The following GALNT13 variants were observed in gnomAD, a reference collection of about 807,000 sequenced individuals.
GALNT13 encodes polypeptide N-acetylgalactosaminyltransferase 13, also known as UDP-GalNAc:polypeptide N-acetylgalactosaminyltransferase 13.
A neutral mutation model predicts 64.2 loss-of-function variants in GALNT13; 28 were observed. The ratio of observed to expected loss-of-function variants is 0.44; its 90% CI spans 0.32 to 0.60. The LOEUF is 0.60. GALNT13 is among the 20% of genes least tolerant of loss of function. GALNT13 has a pLI of 0.05. For missense variants in GALNT13, 577 were observed against 669.8 expected, an observed-to-expected ratio of 0.86 and a Z score of 1.53; for synonymous variants, 214 against 224.6, an observed-to-expected ratio of 0.95 and a Z score of 0.42.
At chr2:154,445,770 A>G in intron 12 of GALNT13, 1 of 1,277,360 alleles carries the variant, frequency 7.8e-7, no homozygotes, top group Non-Finnish European at 1.0e-6. Context: ...TATTGTCTGC[A>G]CTGGTCTTTC....
At chr2:153,154,649 G>T in the GALNT13 span, among the ~76,000 whole-genome samples, 11 of 152,076 alleles carry the variant, frequency 7.2e-5, no homozygotes, top group Non-Finnish European at 1.6e-4. Context: ...CCGAGAATGG[G>T]GTTTTCTAGA....
chr2:153,403,853 G>C, the GALNT13 span, among the ~76,000 whole-genome samples: 1 of 152,156 alleles, frequency 6.6e-6, no homozygotes, highest in Non-Finnish European at 1.5e-5. Context: ...AGATGAACCC[G>C]GTACCTCAGA....
At chr2:153,378,095 T>C in the GALNT13 span, among the ~76,000 whole-genome samples, 1 of 152,162 alleles carries the variant, frequency 6.6e-6, no homozygotes, top group Non-Finnish European at 1.5e-5. Context: ...GGATAAAGTA[T>C]GGAAAATAAA....
At chr2:153,431,376 G>A in the GALNT13 span, among the ~76,000 whole-genome samples, 3 of 152,098 alleles carry the variant, frequency 2.0e-5, no homozygotes, top group African/African-American at 7.2e-5. Flanking sequence ...GCCATGTGTA[G>A]ATGTCTTTCA....
At chr2:154,397,686 G>A (rs1699120211) in intron 10 of GALNT13, among the ~76,000 whole-genome samples, 2 of 152,082 alleles carry the variant, frequency 1.3e-5, no homozygotes, top group Non-Finnish European at 2.9e-5. Flanking sequence ...TAGCTGAATC[G>A]TTTTTAATGA....
chr2:154,096,925 A>G (rs1427644382), intron 3 of GALNT13, among the ~76,000 whole-genome samples: 4 of 152,080 alleles, frequency 2.6e-5, no homozygotes, highest in Admixed American at 6.6e-5. Flanking sequence ...GATTTAGCCA[A>G]TATGACACAG....
At chr2:154,036,717 A>G (rs372469065) in intron 3 of GALNT13, among the ~76,000 whole-genome samples, 2 of 152,094 alleles carry the variant, frequency 1.3e-5, no homozygotes, top group African/African-American at 4.8e-5. Context: ...CTACAACCTA[A>G]CAAATATCTG....
chr2:153,505,613 A>G, the GALNT13 span, among the ~76,000 whole-genome samples: 43 of 152,262 alleles, frequency 2.8e-4, no homozygotes, highest in East Asian at 6.0e-3. Flanking sequence ...TGTTGACCCA[A>G]TGATCATTCA....
the GALNT13 span, among the ~76,000 whole-genome samples, chr2:153,721,644 A>T: frequency 6.6e-6 from 1 of 150,794 alleles, no homozygotes; most frequent in Admixed American, 6.6e-5. Flanking sequence ...AAACAAAAAA[A>T]GGCAGGGGTT....
At chr2:154,444,123 A>G (rs1701443711) in intron 12 of GALNT13, among the ~76,000 whole-genome samples, 2 of 152,180 alleles carry the variant, frequency 1.3e-5, no homozygotes, top group East Asian at 1.9e-4. Flanking sequence ...GAGGATTGCT[A>G]GAGCCCAAGA....
At chr2:153,438,513 C>T in the GALNT13 span, among the ~76,000 whole-genome samples, 6 of 151,754 alleles carry the variant, frequency 4.0e-5, no homozygotes, top group Non-Finnish European at 7.4e-5. Context: ...TTCTTGGAGG[C>T]TTTGTTCATT....
At chr2:154,306,540 CAGG>C (rs1693740419) in intron 9 of GALNT13, among the ~76,000 whole-genome samples, 1 of 147,876 alleles carries the variant, frequency 6.8e-6, no homozygotes, top group Admixed American at 7.1e-5. Context: ...GCTGGCTGTA[CAGG>C]AGATCAGAGT....
chr2:153,302,024 C>T, the GALNT13 span, among the ~76,000 whole-genome samples: 1 of 151,992 alleles, frequency 6.6e-6, no homozygotes, highest in Non-Finnish European at 1.5e-5. Flanking sequence ...ACAGGTATTT[C>T]CTTGACATAA....
the GALNT13 span, among the ~76,000 whole-genome samples, chr2:153,286,830 G>T: frequency 6.6e-6 from 1 of 152,126 alleles, no homozygotes; most frequent in Non-Finnish European, 1.5e-5. Context: ...AATCTTGAGT[G>T]GGAAAAGTCT....
chr2:153,478,432 C>T, the GALNT13 span: 1 of 1,613,994 alleles, frequency 6.2e-7, no homozygotes, highest in Non-Finnish European at 8.5e-7. Context: ...CTCGTCCGGG[C>T]CTCCCTCCGC....
chr2:153,570,252 G>A, the GALNT13 span, among the ~76,000 whole-genome samples: 1 of 151,982 alleles, frequency 6.6e-6, no homozygotes, highest in African/African-American at 2.4e-5. Flanking sequence ...TTCTTCTCTT[G>A]ATAAATGTTT....
At chr2:154,046,664 T>G (rs1699304418) in intron 3 of GALNT13, among the ~76,000 whole-genome samples, 1 of 152,190 alleles carries the variant, frequency 6.6e-6, no homozygotes, top group African/African-American at 2.4e-5. Context: ...GATATAAGAC[T>G]TTAAAGATGT....
chr2:153,334,154 G>T, the GALNT13 span, among the ~76,000 whole-genome samples: 456 of 152,252 alleles, frequency 3.0e-3, 2 homozygotes, highest in East Asian at 0.018. Flanking sequence ...AATGAGAAAA[G>T]TAGGCCTTGA....
At chr2:153,695,608 A>C in the GALNT13 span, among the ~76,000 whole-genome samples, 8 of 152,342 alleles carry the variant, frequency 5.3e-5, no homozygotes, top group South Asian at 1.0e-3. Flanking sequence ...TTATGGCTTT[A>C]TGACCAATTT....
Sources: allele counts gnomAD v4.1 joint callset (sites outside exome capture counted in the v4.1 genomes callset), GRCh38; gene constraint gnomAD v4.1.1; transcripts MANE v1.5; gene names NCBI Gene and HGNC (gene_info 2026-07-23, HGNC 2026-07-21).